ATOSA: variants seen among roughly 807,000 people sequenced by gnomAD.
ATOSA encodes atos homolog protein A.
the ATOSA span, among the ~76,000 whole-genome samples, chr15:52,655,378 C>T: frequency 6.6e-6 from 1 of 152,132 alleles, no homozygotes; most frequent in Non-Finnish European, 1.5e-5. Context: ...AAACAGATAG[C>T]TGTTTTGTAG....
At chr15:52,588,070 C>T in the ATOSA span, among the ~76,000 whole-genome samples, 51 of 152,274 alleles carry the variant, frequency 3.3e-4, no homozygotes, top group Admixed American at 7.8e-4. Flanking sequence ...AAGAGGATAT[C>T]AGGAGTCCTC....
At chr15:52,618,291 G>A in the ATOSA span, among the ~76,000 whole-genome samples, 1 of 152,006 alleles carries the variant, frequency 6.6e-6, no homozygotes, top group East Asian at 1.9e-4. Flanking sequence ...CACCTGCCTC[G>A]GCCTCCCAAA....
At chr15:52,647,843 G>A in the ATOSA span, among the ~76,000 whole-genome samples, 1 of 152,094 alleles carries the variant, frequency 6.6e-6, no homozygotes, top group Non-Finnish European at 1.5e-5. Context: ...TGCCTTCTAT[G>A]TCTCTTCTCA....
At chr15:52,648,511 C>T in the ATOSA span, 5 of 151,996 alleles carry the variant, frequency 3.3e-5, no homozygotes, top group African/African-American at 1.2e-4. Context: ...TTGAAATATA[C>T]AATAATTATT....
the ATOSA span, among the ~76,000 whole-genome samples, chr15:52,631,232 C>T: frequency 6.6e-6 from 1 of 152,258 alleles, no homozygotes; most frequent in Non-Finnish European, 1.5e-5. Flanking sequence ...ATGTGGAAAA[C>T]TGAAGTCTGG....
At chr15:52,702,526 A>T in the ATOSA span, among the ~76,000 whole-genome samples, 1 of 152,264 alleles carries the variant, frequency 6.6e-6, no homozygotes, top group African/African-American at 2.4e-5. Flanking sequence ...CAAATACAAC[A>T]TGTTCTCACT....
chr15:52,689,925 T>A, the ATOSA span, among the ~76,000 whole-genome samples: 2 of 152,198 alleles, frequency 1.3e-5, no homozygotes, highest in Non-Finnish European at 2.9e-5. Context: ...AGCCAAAAGC[T>A]ATAGTTAGGC....
chr15:52,610,007 C>A, the ATOSA span: 1 of 1,613,818 alleles, frequency 6.2e-7, no homozygotes, highest in East Asian at 2.2e-5. Context: ...CTGCCAGTGC[C>A]TGGATATAGT....
chr15:52,610,416 G>A, the ATOSA span: 3 of 1,555,878 alleles, frequency 1.9e-6, no homozygotes, highest in African/African-American at 4.1e-5. Context: ...TGTATTATTG[G>A]ATTATAAAGG....
the ATOSA span, among the ~76,000 whole-genome samples, chr15:52,640,176 G>T: frequency 2.0e-5 from 3 of 152,122 alleles, no homozygotes; most frequent in African/African-American, 7.2e-5. Context: ...TAGGCCCATT[G>T]TACATGTAAT....
the ATOSA span, chr15:52,584,992 A>T: frequency 6.8e-7 from 1 of 1,461,818 alleles, no homozygotes; most frequent in Middle Eastern, 2.0e-4. Flanking sequence ...TGATTTGTTG[A>T]TGTGATTCAG....
the ATOSA span, among the ~76,000 whole-genome samples, chr15:52,673,271 T>C: frequency 0.58 from 88,641 of 152,100 alleles, 29,695 homozygotes; most frequent in Non-Finnish European, 0.75. Context: ...AAGATCACAA[T>C]ACTTACCAAA....
At chr15:52,662,329 T>C in the ATOSA span, among the ~76,000 whole-genome samples, 7 of 152,190 alleles carry the variant, frequency 4.6e-5, no homozygotes, top group East Asian at 1.9e-4. Flanking sequence ...TCTAATCCCA[T>C]AGAATTCAAA....
At chr15:52,598,079 G>A in the ATOSA span, among the ~76,000 whole-genome samples, 1 of 152,068 alleles carries the variant, frequency 6.6e-6, no homozygotes, top group African/African-American at 2.4e-5. Context: ...AGCCAAGGTT[G>A]CACCATTGCA....
chr15:52,663,129 T>C, the ATOSA span, among the ~76,000 whole-genome samples: 1 of 152,178 alleles, frequency 6.6e-6, no homozygotes. Flanking sequence ...CGTTAAACAA[T>C]GGAATCCTAT....
At chr15:52,619,974 C>G in the ATOSA span, among the ~76,000 whole-genome samples, 1 of 152,042 alleles carries the variant, frequency 6.6e-6, no homozygotes, top group East Asian at 1.9e-4. Flanking sequence ...AATGAAAACA[C>G]AGTTCTGGGG....
the ATOSA span, among the ~76,000 whole-genome samples, chr15:52,672,705 T>C: frequency 1.3e-5 from 2 of 152,230 alleles, no homozygotes; most frequent in Admixed American, 6.5e-5. Flanking sequence ...TCTTCAGTTC[T>C]TGAAGAGAAA....
At chr15:52,619,625 G>A in the ATOSA span, among the ~76,000 whole-genome samples, 1 of 152,008 alleles carries the variant, frequency 6.6e-6, no homozygotes, top group Non-Finnish European at 1.5e-5. Flanking sequence ...TTGAGGTCAG[G>A]GGTTCGAGAC....
chr15:52,670,823 T>C, the ATOSA span, among the ~76,000 whole-genome samples: 1 of 152,232 alleles, frequency 6.6e-6, no homozygotes, highest in Non-Finnish European at 1.5e-5. Flanking sequence ...ACTATGTTCT[T>C]TGACATATTA....
Sources: gnomAD v4.1 joint callset for allele counts (sites outside exome capture counted in the v4.1 genomes callset) on GRCh38, gnomAD v4.1.1 for gene constraint, MANE v1.5 for transcripts, NCBI Gene and HGNC (gene_info 2026-07-23, HGNC 2026-07-21) for gene names.